The following WDR41 variants were observed in gnomAD, a reference collection of about 807,000 sequenced individuals.
The protein encoded by WDR41 is WD repeat-containing protein 41.
Under a neutral mutation model 69.3 loss-of-function variants are expected in WDR41, and 63 were observed. The ratio of observed to expected loss-of-function variants is 0.91; its 90% confidence interval spans 0.74 to 1.12. WDR41 has a LOEUF of 1.12. Among genes scored for constraint, WDR41 ranks in the 50% most tolerant of loss-of-function variants. The pLI, the probability that WDR41 is intolerant of heterozygous loss-of-function variation, is 0.00. For missense variants in WDR41, 543 were observed against 534.5 expected, an observed-to-expected ratio of 1.02 and a Z score of -0.16; for synonymous variants, 185 against 192.1, an observed-to-expected ratio of 0.96 and a Z score of 0.31.
rs758711195 is a variant in WDR41, at chr5:77,468,345, G to C, written c.168-3536C>G. On this transcript the variant is annotated intron_variant, in intron 2 of 12. Coordinates refer to ENST00000296679, the MANE Select transcript of WDR41 (RefSeq NM_018268.4). ...TCCAACATTACCATGTGATGCTATA[G>C]GGTCTAGATCATGAGTCCTTAGAGA... Among the ~76,000 whole-genome samples the C allele has an allele frequency of 2.0e-5, 3 of 152,086 alleles. No individual in the cohort carries two copies. The East Asian group carries it at 5.8e-4, about 29-fold the overall frequency.
At chr5:77,475,507 C>A (rs1009682989) in intron 2 of WDR41, among the ~76,000 whole-genome samples, 1 of 152,180 alleles carries the variant, frequency 6.6e-6, no homozygotes, top group Admixed American at 6.5e-5. Context: ...AAGTGGGTCC[C>A]TGACCCCTGA....
chr5:77,492,239 T>A lies in WDR41; in HGVS notation c.-19A>T. 6.2e-7 allele frequency: 1 copy of A among 1,612,306 alleles called. No individual in the cohort carries two copies. On this transcript the variant is annotated 5_prime_UTR_variant, in exon 1 of 13. In the 5' UTR this introduces an upstream ATG that the reference lacks. Transcript: ENST00000296679. ...GCAACATCCGGGCAGCGGCGGCGTC[T>A]TGCCCGGTCCAGCCCCAGTCAGCCC...
chr5:77,440,785 G>C (rs1799126447), intron 9 of WDR41, 28 bp downstream of exon 9: 1 of 1,609,166 alleles, frequency 6.2e-7, no homozygotes, highest in Non-Finnish European at 8.5e-7. Context: ...TCAAAGGCAA[G>C]TTTATAGATA....
intron 1 of WDR41, among the ~76,000 whole-genome samples, chr5:77,512,330 G>A (rs1186835392): frequency 3.3e-5 from 4 of 122,136 alleles, no homozygotes; most frequent in Non-Finnish European, 6.5e-5. Flanking sequence ...CATGGGGTGA[G>A]TGAGAGAGAG....
rs1798719944 is a variant in WDR41, at chr5:77,431,475, C to CA, written c.*1659dup. The CA allele has an allele frequency of 6.6e-6, 1 of 152,202 alleles. No homozygotes were observed. The highest frequency in any genetic ancestry group is 1.5e-5 in the Non-Finnish European group (1 of 68,032). 9.4% of individuals were successfully genotyped at this position (152,202 alleles called of 1,614,324 possible). On this transcript the variant is annotated 3_prime_UTR_variant, in exon 13 of 13. Coordinates refer to ENST00000296679, the MANE Select transcript of WDR41 (RefSeq NM_018268.4). Reference sequence around the variant, plus strand: ...GGGAAACCAAAAACTAGATGTGACTCACTCTATTTGCAATAGTTGCTTTTT... The same window carrying CA: ...GGGAAACCAAAAACTAGATGTGACTCAACTCTATTTGCAATAGTTGCTTTTT...
chr5:77,610,865 T>C (rs1476709283), intron 1 of WDR41, among the ~76,000 whole-genome samples: 2 of 151,474 alleles, frequency 1.3e-5, no homozygotes, highest in Admixed American at 6.6e-5. Context: ...ACTGGCAAAT[T>C]GGATAAAGAG....
intron 11 of WDR41, among the ~76,000 whole-genome samples, chr5:77,437,091 A>C (rs974533727): frequency 6.6e-6 from 1 of 152,196 alleles, no homozygotes; most frequent in East Asian, 1.9e-4. Context: ...GATTACCAGA[A>C]AGTAAGTTTT....
intron 8 of WDR41, among the ~76,000 whole-genome samples, chr5:77,443,939 G>A (rs1799275333): frequency 7.5e-6 from 1 of 134,180 alleles, no homozygotes; most frequent in Non-Finnish European, 1.5e-5. Flanking sequence ...CTGGAGTACA[G>A]TAACACAATC....
At chr5:77,480,693 A>G (rs1256760413) in intron 2 of WDR41, among the ~76,000 whole-genome samples, 15 of 120,224 alleles carry the variant, frequency 1.2e-4, no homozygotes, top group African/African-American at 4.3e-4. Context: ...GGGAGGGGGG[A>G]GGGATAGCAC....
chr5:77,597,533 C>A (rs912665282), intron 1 of WDR41, among the ~76,000 whole-genome samples: 1 of 152,098 alleles, frequency 6.6e-6, no homozygotes, highest in African/African-American at 2.4e-5. Flanking sequence ...GCAGCAAATA[C>A]CTATGAGGGC....
At position 77,607,178 on chromosome 5, in the gene WDR41, A is replaced by G. The variant is rs542277260; in HGVS notation, c.42+13301T>C. Among the ~76,000 whole-genome samples, 7 of 152,230 alleles carry G rather than the reference A, an allele frequency of 4.6e-5. 1 individual carries two copies. In the South Asian group the frequency reaches 1.0e-3, roughly 22 times the overall value. On this transcript the variant is annotated intron_variant, in intron 1 of 5. Transcript: ENST00000509971. ...TTATTAGATATTAGATCAAACTATTATTAGATAAAAAGTTCATATGGAACT... is the reference window on the plus strand; with the variant it reads ...TTATTAGATATTAGATCAAACTATTGTTAGATAAAAAGTTCATATGGAACT...
At chr5:77,443,823 G>A (rs1799267223) in intron 8 of WDR41, among the ~76,000 whole-genome samples, 2 of 149,880 alleles carry the variant, frequency 1.3e-5, no homozygotes, top group African/African-American at 4.9e-5. Context: ...AAATATTAAT[G>A]ACCAGTTGGA....
chr5:77,444,414 A>G (rs1163106893), intron 8 of WDR41, among the ~76,000 whole-genome samples: 1 of 152,242 alleles, frequency 6.6e-6, no homozygotes, highest in East Asian at 1.9e-4. Context: ...AAGAAAAGGA[A>G]TAAAATAAAG....
intron 1 of WDR41, among the ~76,000 whole-genome samples, chr5:77,558,334 A>G (rs1235466703): frequency 6.6e-6 from 1 of 152,196 alleles, no homozygotes; most frequent in Non-Finnish European, 1.5e-5. Flanking sequence ...AGAAAAATAG[A>G]AAAGGAAATT....
chr5:77,533,271 G>A (rs534664937), intron 1 of WDR41, among the ~76,000 whole-genome samples: 1 of 152,264 alleles, frequency 6.6e-6, no homozygotes, highest in Admixed American at 6.5e-5. Context: ...TTTTGGTAGT[G>A]TGTAGTTGGA....
chr5:77,512,365 T>G (rs796453440), intron 1 of WDR41, among the ~76,000 whole-genome samples: 4 of 120,950 alleles, frequency 3.3e-5, no homozygotes, highest in East Asian at 2.5e-4. Flanking sequence ...AGTGTGTGTG[T>G]GTGTGTGTGT....
intron 2 of WDR41, among the ~76,000 whole-genome samples, chr5:77,481,252 C>T (rs935390547): frequency 2.0e-5 from 3 of 152,042 alleles, no homozygotes; most frequent in Non-Finnish European, 4.4e-5. Flanking sequence ...TTGTGATCCA[C>T]CCGCCTTGGC....
chr5:77,450,581 A>G (rs181365868), intron 7 of WDR41, among the ~76,000 whole-genome samples: 188 of 152,332 alleles, frequency 1.2e-3, no homozygotes, highest in African/African-American at 4.4e-3. Flanking sequence ...TTTATGTTCC[A>G]GGAACTCTAC....
intron 8 of WDR41, among the ~76,000 whole-genome samples, chr5:77,441,896 G>A (rs1799182987): frequency 6.6e-6 from 1 of 151,914 alleles, no homozygotes; most frequent in African/African-American, 2.4e-5. Context: ...ATGGGAAAAG[G>A]ACCTGAAAAG....
Sources: allele counts gnomAD v4.1 joint callset (sites outside exome capture counted in the v4.1 genomes callset), GRCh38; gene constraint gnomAD v4.1.1; transcripts MANE v1.5; gene names NCBI Gene and HGNC (gene_info 2026-07-23, HGNC 2026-07-21).